Variants in KALRN observed in about 807,000 individuals in gnomAD.
KALRN encodes kalirin.
KALRN carries 70 observed loss-of-function variants against 353.7 expected under a neutral mutation model. The observed-to-expected ratio is 0.20, with a 90% CI of 0.16 to 0.24. KALRN has a LOEUF of 0.24. KALRN is among the 10% of genes least tolerant of loss of function. The pLI is 1.00. For synonymous variants in KALRN, 1,391 were observed against 1,434.8 expected (o/e 0.97, Z 0.69); for missense variants, 2,791 against 3,756.7 (o/e 0.74, Z 6.72).
chr3:124,540,460 A>G (rs1383018010), intron 33 of KALRN, among the ~76,000 whole-genome samples: 2 of 152,152 alleles, frequency 1.3e-5, no homozygotes, highest in Non-Finnish European at 2.9e-5. Context: ...ACATAATATG[A>G]TAACATGGTT....
intron 3 of KALRN, among the ~76,000 whole-genome samples, chr3:124,254,858 C>T (rs1215772580): frequency 6.6e-6 from 1 of 152,170 alleles, no homozygotes; most frequent in African/African-American, 2.4e-5. Context: ...TGCTTCCTCC[C>T]CTGGCTGCAG....
At chr3:124,477,101 T>A in intron 26 of KALRN, 144 bp from the exon 27 acceptor site, 1 of 525,156 alleles carries the variant, frequency 1.9e-6, no homozygotes. Flanking sequence ...GGGGGCTGGA[T>A]GAGCATAGAA....
chr3:124,395,373 A>G, intron 12 of KALRN, 30 bp downstream of exon 12: 1 of 1,572,002 alleles, frequency 6.4e-7, no homozygotes, highest in South Asian at 1.1e-5. Flanking sequence ...TCCAGTGGGA[A>G]ATGCCTCGGG....
chr3:124,439,185 CCT>C, intron 18 of KALRN, 148 bp downstream of exon 18: 1 of 633,622 alleles, frequency 1.6e-6, no homozygotes, highest in Non-Finnish European at 2.6e-6. Context: ...TCCTTCTTCT[CCT>C]TCTCTCTCTC....
chr3:124,471,493 G>C (rs1360875122), intron 25 of KALRN, among the ~76,000 whole-genome samples: 2 of 151,792 alleles, frequency 1.3e-5, no homozygotes, highest in East Asian at 3.9e-4. Flanking sequence ...CATCATGTTG[G>C]CTAAGCTTGA....
At chr3:124,226,800 C>T (rs1370178684) in intron 1 of KALRN, among the ~76,000 whole-genome samples, 1 of 152,106 alleles carries the variant, frequency 6.6e-6, no homozygotes, top group African/African-American at 2.4e-5. Context: ...TGTTGTTTTC[C>T]TCTGTCAATT....
At chr3:124,109,528 A>G (rs1036662339) in intron 1 of KALRN, among the ~76,000 whole-genome samples, 4 of 151,976 alleles carry the variant, frequency 2.6e-5, no homozygotes, top group African/African-American at 9.7e-5. Context: ...AGCATTGAGC[A>G]TAGTAAGCCT....
intron 3 of KALRN, among the ~76,000 whole-genome samples, chr3:124,239,455 T>G (rs980057450): frequency 6.6e-6 from 1 of 152,200 alleles, no homozygotes; most frequent in Non-Finnish European, 1.5e-5. Context: ...TGACACTTAA[T>G]CTGCTCTTAG....
At chr3:124,647,814 A>AG (rs1236894187) in intron 37 of KALRN, among the ~76,000 whole-genome samples, 2 of 152,200 alleles carry the variant, frequency 1.3e-5, no homozygotes, top group Non-Finnish European at 2.9e-5. Flanking sequence ...GTGCCCAGAG[A>AG]GGGGGCAGGT....
At chr3:124,231,809 T>C (rs1386055385) in intron 2 of KALRN, among the ~76,000 whole-genome samples, 1 of 152,144 alleles carries the variant, frequency 6.6e-6, no homozygotes, top group Non-Finnish European at 1.5e-5. Context: ...ATCTTGCAGA[T>C]CTATTGTTAC....
chr3:124,190,950 G>A (rs2074835281), intron 1 of KALRN, among the ~76,000 whole-genome samples: 1 of 152,200 alleles, frequency 6.6e-6, no homozygotes, highest in African/African-American at 2.4e-5. Context: ...GTTGTGACCT[G>A]TGCTTCTGGC....
intron 56 of KALRN, among the ~76,000 whole-genome samples, chr3:124,701,379 T>A (rs1308002686): frequency 7.0e-6 from 1 of 142,554 alleles, no homozygotes; most frequent in African/African-American, 2.7e-5. Context: ...TCTTTTTCTT[T>A]CTTTCTTTCT....
Position 124,696,355 on chromosome 3 carries a change from T to G in KALRN, c.7699+100T>G. ...GCATGATCTCTGTTCATGGCAGCCTTGACCTCCCAGGCTCAAGCACTCCAA... is the reference window on the plus strand; with the variant it reads ...GCATGATCTCTGTTCATGGCAGCCTGGACCTCCCAGGCTCAAGCACTCCAA... On this transcript the variant is annotated intron_variant, in intron 54 of 59. Coordinates refer to ENST00000682506, the MANE Select transcript of KALRN (RefSeq NM_001388419.1). 1.7e-6 allele frequency: 2 copies of G among 1,162,078 alleles called. 1 individual carries two copies. The highest frequency in any genetic ancestry group is 3.3e-5 in the South Asian group (2 of 60,774). 72.0% of individuals were successfully genotyped at this position (1,162,078 alleles called of 1,614,324 possible). A position where few individuals can be genotyped will look rare whatever the true frequency, so the allele number is the denominator to read the frequency against.
chr3:124,448,912 C>A (rs970351775), intron 21 of KALRN, among the ~76,000 whole-genome samples: 4 of 152,170 alleles, frequency 2.6e-5, no homozygotes, highest in Admixed American at 6.5e-5. Context: ...AGTAGATTCA[C>A]CCCCTCCTCA....
At chr3:124,286,075 T>TTTCCTTCCTTCC (rs201099722) in intron 5 of KALRN, among the ~76,000 whole-genome samples, 1 of 134,876 alleles carries the variant, frequency 7.4e-6, no homozygotes, top group Non-Finnish European at 1.6e-5. Context: ...TCTTTCTTTC[T>TTTCCTTCCTTCC]TTCCTTCCTT....
intron 14 of KALRN, 101 bp downstream of exon 14, chr3:124,413,766 C>A: frequency 2.2e-6 from 2 of 927,834 alleles, no homozygotes; most frequent in Non-Finnish European, 3.2e-6. Flanking sequence ...CATTTTATTC[C>A]TACAGATACA....
intron 33 of KALRN, among the ~76,000 whole-genome samples, chr3:124,526,231 T>C (rs1577722028): frequency 6.6e-6 from 1 of 152,162 alleles, no homozygotes; most frequent in Non-Finnish European, 1.5e-5. Context: ...TTGGCTATAA[T>C]AGTAAAAAAT....
chr3:124,293,579 A>G (rs1438656781), intron 5 of KALRN, among the ~76,000 whole-genome samples: 1 of 152,204 alleles, frequency 6.6e-6, no homozygotes, highest in Admixed American at 6.5e-5. Flanking sequence ...GATTTTAGCC[A>G]GCAGAAAAAA....
At chr3:124,667,277 C>A (rs373228467) in intron 47 of KALRN, 94 bp downstream of exon 47, 17 of 1,133,218 alleles carry the variant, frequency 1.5e-5, no homozygotes, top group Non-Finnish European at 2.0e-5. Flanking sequence ...AGTTATGAAC[C>A]CAGATCACAT....
Sources: allele counts gnomAD v4.1 joint callset (sites outside exome capture counted in the v4.1 genomes callset), GRCh38; gene constraint gnomAD v4.1.1; transcripts MANE v1.5; gene names NCBI Gene and HGNC (gene_info 2026-07-23, HGNC 2026-07-21).